Variants in ACCSL observed in about 807,000 individuals in gnomAD.
ACCSL encodes 1-aminocyclopropane-1-carboxylate synthase homolog (inactive) like.
ACCSL carries 55 observed loss-of-function variants against 61.7 expected under a neutral mutation model. That is an observed-to-expected ratio of 0.89 (90% CI 0.72 to 1.12). The LOEUF is 1.12. Among genes scored for constraint, ACCSL ranks in the 50% most tolerant of loss-of-function variants. ACCSL has a pLI of 0.00. For missense variants in ACCSL, 632 were observed against 698.0 expected (o/e 0.91, Z 1.07); for synonymous variants, 258 against 264.3 (o/e 0.98, Z 0.23).
the ACCSL span, among the ~76,000 whole-genome samples, chr11:44,015,393 A>G: frequency 1.3e-5 from 2 of 152,190 alleles, 1 homozygote; most frequent in Admixed American, 1.3e-4. Context: ...CTTGCCTCTG[A>G]CATTGCATTG....
the ACCSL span, among the ~76,000 whole-genome samples, chr11:44,030,416 T>G: frequency 3.3e-5 from 5 of 151,454 alleles, no homozygotes; most frequent in African/African-American, 1.2e-4. Context: ...CCCCGCCTAT[T>G]CTCCAAGCCC....
chr11:44,028,167 T>TA, the ACCSL span, among the ~76,000 whole-genome samples: 4 of 151,606 alleles, frequency 2.6e-5, no homozygotes, highest in South Asian at 2.1e-4. Context: ...CCCTATCTCT[T>TA]AAAAAAAATT....
chr11:43,943,328 G>A, the ACCSL span: 6 of 1,426,112 alleles, frequency 4.2e-6, no homozygotes, highest in Non-Finnish European at 5.5e-6. The surrounding 1 kb of genome is among the most constrained non-coding windows in gnomAD (Gnocchi z 4.8). Context: ...GGGGACCGGC[G>A]TGTGAACCCC....
chr11:44,048,626 T>G (rs1952616285), intron 1 of ACCSL, 86 bp downstream of exon 1: 4 of 1,231,458 alleles, frequency 3.2e-6, no homozygotes, highest in Non-Finnish European at 3.4e-6. Flanking sequence ...GTGCTATATA[T>G]GCTCTCATTC....
the ACCSL span, among the ~76,000 whole-genome samples, chr11:43,973,539 T>A: frequency 6.6e-6 from 1 of 152,196 alleles, no homozygotes; most frequent in African/African-American, 2.4e-5. Flanking sequence ...ATCCCCATCT[T>A]CTTACTGGTC....
chr11:43,998,726 A>G, the ACCSL span, among the ~76,000 whole-genome samples: 19 of 151,890 alleles, frequency 1.3e-4, no homozygotes, highest in East Asian at 3.7e-3. Flanking sequence ...CCTTCTTCAT[A>G]GATTCATTCA....
chr11:44,001,939 G>A, the ACCSL span, among the ~76,000 whole-genome samples: 3 of 139,964 alleles, frequency 2.1e-5, no homozygotes, highest in East Asian at 1.9e-4. Context: ...TCCTCACCCC[G>A]CTGCACCCTG....
chr11:43,989,066 A>C, the ACCSL span, among the ~76,000 whole-genome samples: 1 of 152,084 alleles, frequency 6.6e-6, no homozygotes, highest in South Asian at 2.1e-4. Context: ...AGCTGGTCTA[A>C]GGTCAGATTC....
Position 44,058,713 on chromosome 11 carries a change from ACCTC to A in ACCSL, c.1624+17_1624+20del, listed in dbSNP as rs781520030. On this transcript the variant is annotated intron_variant, in intron 13 of 13. Transcript: ENST00000378832. The stretch of plus-strand genomic sequence containing the variant: ...GGCTAAAATTGGGTGAGTGGAGCTG[ACCTC>A]CCAATCCTTTAAAGACGCCCCATCA... 1.0e-5 allele frequency: 16 copies of A among 1,602,972 alleles called. No homozygotes were observed. The highest frequency in any genetic ancestry group is 1.4e-5 in the Non-Finnish European group (16 of 1,173,314).
the ACCSL span, among the ~76,000 whole-genome samples, chr11:44,011,423 T>C: frequency 6.6e-6 from 1 of 152,212 alleles, no homozygotes; most frequent in African/African-American, 2.4e-5. Flanking sequence ...TTGCTGATCA[T>C]TCTGTCCCCT....
Position 44,048,360 on chromosome 11 carries a change from G to A in ACCSL, c.324G>A (p.Gly108=). The A allele has an allele frequency of 6.2e-7, 1 of 1,614,110 alleles. No individual in the cohort carries two copies. Among genetic ancestry groups the A allele is most frequent in the Non-Finnish European group, 8.5e-7 (1 of 1,180,020 alleles). Residue 108 remains glycine (G), a synonymous_variant, in exon 1 of 14, where the codon GGG becomes GGA. Transcript: ENST00000378832. ...ACTCTAGGGGTGATGTCAGATATGG[G>A]CAGAGGGCCCAACTCTCTGGGCAGC... The part of the protein sequence containing the change: ...SEDSRGDVRY[G]QRAQLSGQPD...
intron 13 of ACCSL, 51 bp from the exon 14 acceptor site, chr11:44,059,787 A>G: frequency 6.4e-7 from 1 of 1,555,062 alleles, no homozygotes; most frequent in South Asian, 1.1e-5. Flanking sequence ...GGGACCCACC[A>G]GCAAACCTAC....
At chr11:43,958,562 A>G in the ACCSL span, among the ~76,000 whole-genome samples, 6 of 152,166 alleles carry the variant, frequency 3.9e-5, no homozygotes, top group Admixed American at 3.9e-4. Context: ...CTCTATTGCA[A>G]TTCCCCTGTC....
the ACCSL span, chr11:43,943,449 G>T: frequency 7.0e-7 from 1 of 1,428,312 alleles, no homozygotes; most frequent in African/African-American, 1.4e-5. This position sits in a 1 kb window ranked among gnomAD's most constrained non-coding sequence, Gnocchi z 4.8. Flanking sequence ...CCCTCGCCGC[G>T]CTCGCCCTGG....
chr11:43,966,440 G>GA, the ACCSL span, among the ~76,000 whole-genome samples: 7 of 132,564 alleles, frequency 5.3e-5, no homozygotes, highest in African/African-American at 1.1e-4. Context: ...AAAAAAAAAA[G>GA]AAAAAAAAAT....
At chr11:43,999,435 G>C in the ACCSL span, among the ~76,000 whole-genome samples, 1 of 152,140 alleles carries the variant, frequency 6.6e-6, no homozygotes, top group Non-Finnish European at 1.5e-5. Flanking sequence ...GGCTGGACTA[G>C]GGCAGGATCT....
chr11:43,992,455 T>C, the ACCSL span, among the ~76,000 whole-genome samples: 1 of 152,230 alleles, frequency 6.6e-6, no homozygotes, highest in Non-Finnish European at 1.5e-5. Flanking sequence ...CTGCCAGGTG[T>C]CCACGCTTCC....
At chr11:44,009,742 G>A in the ACCSL span, among the ~76,000 whole-genome samples, 1 of 151,924 alleles carries the variant, frequency 6.6e-6, no homozygotes, top group East Asian at 1.9e-4. Flanking sequence ...TCTAGCCTGG[G>A]TGACAGGGCA....
At chr11:44,036,143 C>T in the ACCSL span, among the ~76,000 whole-genome samples, 2 of 152,256 alleles carry the variant, frequency 1.3e-5, no homozygotes, top group Admixed American at 1.3e-4. Flanking sequence ...CTTCGGCCCC[C>T]GCTGGAGGAA....
Sources: allele counts gnomAD v4.1 joint callset (sites outside exome capture counted in the v4.1 genomes callset), GRCh38; gene constraint gnomAD v4.1.1; non-coding constraint Gnocchi (gnomAD v3.1); transcripts MANE v1.5; gene names NCBI Gene and HGNC (gene_info 2026-07-23, HGNC 2026-07-21).